Variants in PTPRD observed in about 807,000 individuals in gnomAD.
PTPRD encodes the protein protein tyrosine phosphatase receptor type D.
In PTPRD, 34 loss-of-function variants were observed where a neutral mutation model predicts 214.5. The observed-to-expected ratio is 0.16, with a 90% CI of 0.12 to 0.21. PTPRD has a LOEUF of 0.21. Among genes scored for constraint, PTPRD ranks in the 10% least tolerant of loss-of-function variants. The probability of loss-of-function intolerance (pLI) is 1.00; values close to 1 mark genes in which losing one functional copy is unlikely to be tolerated. For missense variants in PTPRD, 2,545 were observed against 2,398.7 expected, an observed-to-expected ratio of 1.06 and a Z score of -1.27; for synonymous variants, 1,128 against 845.7, an observed-to-expected ratio of 1.33 and a Z score of -5.79.
chr9:9,048,773 T>G (rs1358277311), intron 10 of PTPRD, among the ~76,000 whole-genome samples: 1 of 152,078 alleles, frequency 6.6e-6, no homozygotes, highest in African/African-American at 2.4e-5. Context: ...GTGACTATAA[T>G]CAATAATAAC....
chr9:9,091,195 C>T (rs1218706675), intron 10 of PTPRD: 12 of 1,517,456 alleles, frequency 7.9e-6, no homozygotes, highest in Admixed American at 1.7e-5. Context: ...ACCCCCACCC[C>T]GATTTAGACC....
At chr9:10,580,625 T>A (rs1193865544) in intron 2 of PTPRD, among the ~76,000 whole-genome samples, 1 of 152,168 alleles carries the variant, frequency 6.6e-6, no homozygotes, top group African/African-American at 2.4e-5. Flanking sequence ...CTAATAATCA[T>A]AATAGTAGTA....
At chr9:10,196,333 A>T (rs2099398046) in intron 3 of PTPRD, among the ~76,000 whole-genome samples, 1 of 152,150 alleles carries the variant, frequency 6.6e-6, no homozygotes, top group Non-Finnish European at 1.5e-5. Context: ...TAACATTTTC[A>T]CTTGAATAAT....
chr9:9,285,588 C>A (rs575249882), intron 9 of PTPRD, among the ~76,000 whole-genome samples: 5 of 151,864 alleles, frequency 3.3e-5, no homozygotes, highest in Admixed American at 3.3e-4. Context: ...TCAGATCCCA[C>A]CTCATCTCTT....
intron 11 of PTPRD, among the ~76,000 whole-genome samples, chr9:8,979,581 T>C (rs2099295269): frequency 6.6e-6 from 1 of 152,106 alleles, no homozygotes; most frequent in African/African-American, 2.4e-5. Flanking sequence ...GCAAAGGACT[T>C]GAACAGACAT....
At chr9:9,344,740 C>T (rs1425905959) in intron 9 of PTPRD, among the ~76,000 whole-genome samples, 2 of 151,714 alleles carry the variant, frequency 1.3e-5, no homozygotes, top group Admixed American at 6.6e-5. Context: ...GGCAAGTTAC[C>T]TGAATATATT....
intron 3 of PTPRD, among the ~76,000 whole-genome samples, chr9:10,089,181 G>A (rs1406857087): frequency 6.7e-6 from 1 of 148,950 alleles, no homozygotes; most frequent in Non-Finnish European, 1.5e-5. Flanking sequence ...ATCACAGCCT[G>A]GGTGACAGAA....
intron 7 of PTPRD, among the ~76,000 whole-genome samples, chr9:9,613,131 CATACATATATATATATATATATAT>C (rs1222856566): frequency 1.2e-3 from 49 of 40,904 alleles, no homozygotes; most frequent in Admixed American, 3.1e-3. Flanking sequence ...AGTATACATA[CATACATATATATATATATATATAT>C]ATATATATAT....
At chr9:9,683,337 T>C (rs1296393230) in intron 7 of PTPRD, among the ~76,000 whole-genome samples, 23 of 151,742 alleles carry the variant, frequency 1.5e-4, no homozygotes, top group Non-Finnish European at 1.5e-5. Context: ...ATAGGGAGTC[T>C]ACTGGCATCA....
intron 8 of PTPRD, among the ~76,000 whole-genome samples, chr9:9,561,064 G>A (rs1007478884): frequency 3.9e-5 from 6 of 152,176 alleles, no homozygotes; most frequent in Non-Finnish European, 8.8e-5. Context: ...AAGCAAGCCT[G>A]TACAGCATTA....
chr9:9,279,212 A>G (rs937140773), intron 9 of PTPRD, among the ~76,000 whole-genome samples: 7 of 150,580 alleles, frequency 4.6e-5, no homozygotes, highest in African/African-American at 1.7e-4. Flanking sequence ...GATTATATAC[A>G]TCCAGATATA....
intron 2 of PTPRD, among the ~76,000 whole-genome samples, chr9:10,420,105 T>C (rs1425044269): frequency 1.3e-5 from 2 of 151,808 alleles, no homozygotes; most frequent in Non-Finnish European, 2.9e-5. Context: ...ATAATCATCA[T>C]AAAATGAGTA....
intron 4 of PTPRD, among the ~76,000 whole-genome samples, chr9:9,956,505 T>A (rs1485976524): frequency 6.6e-6 from 1 of 152,124 alleles, no homozygotes; most frequent in African/African-American, 2.4e-5. Context: ...ATGTTTCAAG[T>A]GGAGAGAAAC....
chr9:9,327,010 G>A (rs1484745578), intron 9 of PTPRD, among the ~76,000 whole-genome samples: 1 of 152,074 alleles, frequency 6.6e-6, no homozygotes, highest in Admixed American at 6.6e-5. Context: ...AAGCTAAAGG[G>A]ACAAAGTAAA....
At chr9:9,635,761 T>A (rs1197179387) in intron 7 of PTPRD, among the ~76,000 whole-genome samples, 4 of 152,196 alleles carry the variant, frequency 2.6e-5, no homozygotes, top group African/African-American at 9.6e-5. Context: ...ACTTCCTTGC[T>A]TCCTAAAACA....
intron 7 of PTPRD, among the ~76,000 whole-genome samples, chr9:9,686,079 A>G (rs1054063634): frequency 2.0e-5 from 3 of 151,386 alleles, no homozygotes; most frequent in Admixed American, 1.3e-4. Flanking sequence ...ATTAAGTTAT[A>G]TTTTGGGAAG....
At chr9:10,205,656 C>T (rs1416936916) in intron 3 of PTPRD, among the ~76,000 whole-genome samples, 2 of 152,098 alleles carry the variant, frequency 1.3e-5, no homozygotes, top group African/African-American at 4.8e-5. Context: ...ATCCGCCTGC[C>T]TTGGCCCCAA....
chr9:10,378,310 T>G (rs2097766253), intron 2 of PTPRD, among the ~76,000 whole-genome samples: 1 of 152,064 alleles, frequency 6.6e-6, no homozygotes, highest in South Asian at 2.1e-4. Context: ...CAGAAGCTTT[T>G]AACTTAATGT....
chr9:10,254,229 C>T (rs753284804), intron 3 of PTPRD, among the ~76,000 whole-genome samples: 17 of 152,114 alleles, frequency 1.1e-4, no homozygotes, highest in Non-Finnish European at 2.2e-4. Flanking sequence ...TCTGTGGGTG[C>T]ATGCATATAA....
Sources: gnomAD v4.1 joint callset for allele counts (sites outside exome capture counted in the v4.1 genomes callset) on GRCh38, gnomAD v4.1.1 for gene constraint, MANE v1.5 for transcripts, NCBI Gene and HGNC (gene_info 2026-07-23, HGNC 2026-07-21) for gene names.